KDM4C: variants seen among roughly 807,000 people sequenced by gnomAD.
KDM4C encodes the protein lysine-specific demethylase 4C.
KDM4C carries 81 observed loss-of-function variants against 129.3 expected under a neutral mutation model. That is an observed-to-expected ratio of 0.63 (90% CI 0.52 to 0.75). The LOEUF is 0.75. Ranked by LOEUF, KDM4C falls within the 30% of genes least tolerant of loss-of-function variation. KDM4C has a pLI of 0.00. For missense variants in KDM4C, 1,457 were observed against 1,304.0 expected, an observed-to-expected ratio of 1.12 and a Z score of -1.81; for synonymous variants, 573 against 456.1, an observed-to-expected ratio of 1.26 and a Z score of -3.26.
At chr9:6,857,777 CAG>C (rs1840135208) in intron 5 of KDM4C, among the ~76,000 whole-genome samples, 1 of 141,962 alleles carries the variant, frequency 7.0e-6, no homozygotes, top group African/African-American at 2.6e-5. Flanking sequence ...TTTTTTAAGA[CAG>C]GGTCTCGCTC....
rs1336020675 is a variant in KDM4C, at chr9:6,746,532, G to A, written c.49+25535G>A. 2.7e-5 allele frequency among the ~76,000 whole-genome samples: 4 copies of A among 150,204 alleles called. No individual in the cohort carries two copies. In the South Asian group the frequency reaches 8.4e-4, roughly 31 times the overall value. On this transcript the variant is annotated intron_variant, in intron 1 of 17. Transcript: ENST00000536108. ...GATCCGCCCGCCTCAGCTTCCCAAA[G>A]TGCTGGGATTACAGGCGTGAGCCAC... is the stretch of plus-strand genomic sequence containing the variant.
chr9:6,955,057 T>A (rs908981556), intron 8 of KDM4C, among the ~76,000 whole-genome samples: 1 of 152,216 alleles, frequency 6.6e-6, no homozygotes, highest in Non-Finnish European at 1.5e-5. Flanking sequence ...GCTAGACCCC[T>A]CTTCCTCCCC....
intron 8 of KDM4C, among the ~76,000 whole-genome samples, chr9:6,910,840 T>C (rs1819169323): frequency 6.6e-6 from 1 of 152,176 alleles, no homozygotes; most frequent in African/African-American, 2.4e-5. Context: ...GATAGTTGAA[T>C]AGATGATGGT....
intron 8 of KDM4C, among the ~76,000 whole-genome samples, chr9:6,923,612 C>T (rs1821944852): frequency 6.6e-6 from 1 of 152,168 alleles, no homozygotes; most frequent in Non-Finnish European, 1.5e-5. Context: ...ACATAGAATA[C>T]CCATACATTA....
intron 15 of KDM4C, among the ~76,000 whole-genome samples, chr9:7,031,688 ATGTGTGTGTGTG>A (rs150564790): frequency 6.6e-6 from 1 of 151,206 alleles, no homozygotes; most frequent in Non-Finnish European, 1.5e-5. Context: ...GTGTGTGTGT[ATGTGTGTGTGTG>A]TGTATAAAAT....
At chr9:7,006,150 A>G (rs1039967565) in intron 12 of KDM4C, among the ~76,000 whole-genome samples, 2 of 152,238 alleles carry the variant, frequency 1.3e-5, no homozygotes, top group African/African-American at 4.8e-5. Flanking sequence ...AGTTTTATTA[A>G]TCTGCAGGAA....
chr9:6,947,261 C>G (rs530695509), intron 8 of KDM4C, among the ~76,000 whole-genome samples: 6 of 151,916 alleles, frequency 3.9e-5, no homozygotes, highest in Non-Finnish European at 7.4e-5. Context: ...CTATTTTTTT[C>G]TAATTTTATT....
Position 7,063,165 on chromosome 9 carries a change from G to C in KDM4C, c.2424+13965G>C, listed in dbSNP as rs190136587. ...ATCATAACCATGAGATTTTGGTACC[G>C]TATGTAAGAGATAGTTTTGGGGACC... On this transcript the variant is annotated intron_variant, in intron 17 of 21. Transcript: ENST00000381309. Among the ~76,000 whole-genome samples the C allele has an allele frequency of 2.9e-3, 449 of 152,292 alleles. 3 individuals carry two copies. The highest frequency in any genetic ancestry group is 0.01 in the African/African-American group (420 of 41,556).
rs900870426 is a variant in KDM4C, at chr9:6,894,502, G to T, written c.921+1270G>T. ...TGTCTTGGCCACGAGGTTATAACAA[G>T]GTCTGTTATTTTATAGTTTGCACCT... On this transcript the variant is annotated intron_variant, in intron 8 of 21. Transcript: ENST00000381309. Among the ~76,000 whole-genome samples, 3 of 152,152 alleles carry T rather than the reference G, an allele frequency of 2.0e-5. No homozygotes were observed. The East Asian group carries it at 5.8e-4, about 29-fold the overall frequency.
At chr9:6,830,880 A>C (rs981926812) in intron 4 of KDM4C, among the ~76,000 whole-genome samples, 1 of 152,244 alleles carries the variant, frequency 6.6e-6, no homozygotes, top group Non-Finnish European at 1.5e-5. Context: ...AAATGAAGCA[A>C]GGTGGAAAAA....
Position 6,986,673 on chromosome 9 carries a change from G to C in KDM4C, c.1677+7G>C. On this transcript the variant is annotated splice_region_variant and intron_variant, in intron 11 of 21. Coordinates refer to ENST00000381309, the MANE Select transcript of KDM4C (RefSeq NM_015061.6). ...TAGCTTCAAAGTCCCCAGTGTATGT[G>C]GCAATATCCATTTTTTACCATATTC... 1.3e-6 allele frequency: 2 copies of C among 1,579,470 alleles called. No individual in the cohort carries two copies. The highest frequency in any genetic ancestry group is 1.7e-6 in the Non-Finnish European group (2 of 1,159,070).
chr9:7,022,637 C>CTTTTT lies in KDM4C; in HGVS notation c.2259+6718_2259+6722dup, dbSNP rs375675040. Among the ~76,000 whole-genome samples the CTTTTT allele has an allele frequency of 7.6e-3, 1,012 of 133,926 alleles. 29 individuals are homozygous for CTTTTT. Among genetic ancestry groups the CTTTTT allele is most frequent in the Non-Finnish European group, 9.2e-3 (581 of 62,954 alleles). The allele number at this position is 133,926 out of a possible 152,430, so 87.9% of individuals were successfully genotyped here. ...TTTCCAATTTGCAAACCCTTTATTT[C>CTTTTT]TTTTTTTTTTTTTTGTCTGATTACG... On this transcript the variant is annotated intron_variant, in intron 15 of 21. Coordinates refer to ENST00000381309, the MANE Select transcript of KDM4C (RefSeq NM_015061.6).
chr9:6,994,713 A>G (rs1819382791), intron 12 of KDM4C, among the ~76,000 whole-genome samples: 1 of 152,248 alleles, frequency 6.6e-6, no homozygotes, highest in Non-Finnish European at 1.5e-5. Context: ...TCATATTAAA[A>G]GAAAAATGTA....
chr9:6,887,521 C>T lies in KDM4C; in HGVS notation c.680-439C>T, dbSNP rs534005955. Among the ~76,000 whole-genome samples, 26 of 152,232 alleles carry T rather than the reference C, an allele frequency of 1.7e-4. No homozygotes were observed. In the South Asian group the frequency reaches 5.2e-3, roughly 30 times the overall value. ...GGGGAACTACTCTGTCTGCTGTATG[C>T]CGAGGATTGGGATGAGTGCTTCAGG... On this transcript the variant is annotated intron_variant, in intron 6 of 21. Coordinates refer to ENST00000381309, the MANE Select transcript of KDM4C (RefSeq NM_015061.6).
In KDM4C at chr9:6,785,384, T is replaced by C. The variant is rs554121713; in HGVS notation, c.-17-7588T>C. On this transcript the variant is annotated intron_variant, in intron 1 of 21. Transcript: ENST00000381309. ...TGGAGTCTCACTCTGTCACACAGGC[T>C]GGAGTGCAGTGGTGCGATCTTGGCT... 2.6e-5 allele frequency among the ~76,000 whole-genome samples: 4 copies of C among 151,642 alleles called. 1 individual carries two copies. Among genetic ancestry groups the C allele is most frequent in the Admixed American group, 2.6e-4 (4 of 15,234 alleles).
chr9:7,132,433 C>A (rs1429518072), intron 19 of KDM4C, among the ~76,000 whole-genome samples: 6 of 152,172 alleles, frequency 3.9e-5, no homozygotes, highest in African/African-American at 1.4e-4. Flanking sequence ...ATGTCTTTCC[C>A]TACCTAGGTA....
intron 8 of KDM4C, among the ~76,000 whole-genome samples, chr9:6,940,591 C>A (rs1825763545): frequency 6.6e-6 from 1 of 152,042 alleles, no homozygotes; most frequent in Non-Finnish European, 1.5e-5. Context: ...TCTTGAAAGT[C>A]ATTACAGCTC....
At chr9:6,978,246 C>T (rs1833259793) in intron 8 of KDM4C, among the ~76,000 whole-genome samples, 1 of 152,172 alleles carries the variant, frequency 6.6e-6, no homozygotes. Flanking sequence ...CTTTTAAACA[C>T]TATTTGCATT....
At chr9:7,084,027 C>T (rs1382271021) in intron 17 of KDM4C, among the ~76,000 whole-genome samples, 2 of 152,128 alleles carry the variant, frequency 1.3e-5, no homozygotes, top group African/African-American at 2.4e-5. Context: ...ATGCTGAGGG[C>T]AGTCAAGGCT....
Sources: allele counts gnomAD v4.1 joint callset (sites outside exome capture counted in the v4.1 genomes callset), GRCh38; gene constraint gnomAD v4.1.1; transcripts MANE v1.5; gene names NCBI Gene and HGNC (gene_info 2026-07-23, HGNC 2026-07-21).